The following C4orf51 variants were observed in gnomAD, a reference collection of about 807,000 sequenced individuals.
C4orf51 encodes the protein uncharacterized protein C4orf51.
A neutral mutation model predicts 25.2 loss-of-function variants in C4orf51; 25 were observed. That is an observed-to-expected ratio of 0.99 (90% CI 0.72 to 1.39). The LOEUF is 1.39. Ranked by LOEUF, C4orf51 falls within the 40% of genes most tolerant of loss-of-function variation. The pLI is 0.00. For missense variants in C4orf51, 252 were observed against 239.6 expected (o/e 1.05, Z -0.34); for synonymous variants, 100 against 84.5 (o/e 1.18, Z -1.01).
intron 2 of C4orf51, among the ~76,000 whole-genome samples, chr4:145,707,475 T>C (rs1281877049): frequency 2.0e-4 from 31 of 152,212 alleles, no homozygotes; most frequent in Non-Finnish European, 4.4e-5. Flanking sequence ...CTTGTCCAAA[T>C]AAGTGTGGGC....
intron 2 of C4orf51, among the ~76,000 whole-genome samples, chr4:145,710,092 C>A (rs1406477778): frequency 1.3e-5 from 2 of 152,136 alleles, no homozygotes; most frequent in Admixed American, 1.3e-4. Flanking sequence ...AGTCACAGCA[C>A]CAAAGTATGT....
At chr4:145,768,469 G>A (rs1735658713) in intron 1 of C4orf51, among the ~76,000 whole-genome samples, 1 of 151,888 alleles carries the variant, frequency 6.6e-6, no homozygotes, top group African/African-American at 2.4e-5. Flanking sequence ...CTGGCCTAAA[G>A]ATGTACATTA....
At chr4:145,720,012 T>A (rs371095153) in intron 2 of C4orf51, among the ~76,000 whole-genome samples, 1 of 152,100 alleles carries the variant, frequency 6.6e-6, no homozygotes, top group East Asian at 1.9e-4. Flanking sequence ...TTTGTTTTGA[T>A]CATGCCTCAG....
chr4:145,683,787 A>G (rs1301983507), intron 1 of C4orf51, among the ~76,000 whole-genome samples: 1 of 152,240 alleles, frequency 6.6e-6, no homozygotes, highest in Non-Finnish European at 1.5e-5. Context: ...CAAAACTATA[A>G]AACTCCTAGA....
intron 1 of C4orf51, among the ~76,000 whole-genome samples, chr4:145,739,310 A>G (rs941688189): frequency 1.3e-5 from 2 of 152,244 alleles, no homozygotes; most frequent in African/African-American, 4.8e-5. Flanking sequence ...TAGGACTCTT[A>G]GCTTGAGATC....
At chr4:145,700,311 A>G (rs1392374513) in intron 2 of C4orf51, among the ~76,000 whole-genome samples, 2 of 151,562 alleles carry the variant, frequency 1.3e-5, no homozygotes, top group African/African-American at 4.9e-5. Context: ...TCTGGAGGGT[A>G]AGAACCCCCA....
At chr4:145,775,800 A>C (rs1245865897), downstream of C4orf51, 3 of 1,614,054 alleles carry the variant, frequency 1.9e-6, no homozygotes, top group African/African-American at 4.0e-5. Flanking sequence ...TGTAATAATA[A>C]GGATGTTTCT....
At chr4:145,710,376 G>T (rs1243792343) in intron 2 of C4orf51, among the ~76,000 whole-genome samples, 1 of 152,132 alleles carries the variant, frequency 6.6e-6, no homozygotes, top group Non-Finnish European at 1.5e-5. Flanking sequence ...TTGACTTGGG[G>T]TTTTATATGT....
chr4:145,714,589 C>A (rs968640186), intron 2 of C4orf51, among the ~76,000 whole-genome samples: 7 of 152,126 alleles, frequency 4.6e-5, no homozygotes, highest in African/African-American at 1.7e-4. Flanking sequence ...GTGTTCTCTT[C>A]GTGGCTCACT....
intron 2 of C4orf51, among the ~76,000 whole-genome samples, chr4:145,701,457 C>G (rs960535557): frequency 1.3e-5 from 2 of 152,032 alleles, no homozygotes; most frequent in African/African-American, 4.8e-5. Context: ...TGCGGGGACC[C>G]CACTGGAAAT....
intron 2 of C4orf51, among the ~76,000 whole-genome samples, chr4:145,702,759 C>A (rs1324447986): frequency 6.6e-6 from 1 of 152,118 alleles, no homozygotes; most frequent in African/African-American, 2.4e-5. Flanking sequence ...ACCTGTTTTT[C>A]TCCTCTTATT....
Position 145,765,855 on chromosome 4 carries a change from C to T in C4orf51, n.167-5133C>T. 4.8e-6 allele frequency: 5 copies of T among 1,047,206 alleles called. No homozygotes were observed. The highest frequency in any genetic ancestry group is 6.8e-6 in the Non-Finnish European group (5 of 738,730). The allele number at this position is 1,047,206 out of a possible 1,614,324, so 64.9% of individuals were successfully genotyped here. ...CATCATCATTCTGGGGGCACAGGCT[C>T]ATGTCCCCAGCTCCCCCACTGCTGG... On this transcript the variant is annotated intron_variant and non_coding_transcript_variant, in intron 1 of 1. Coordinates refer to the C4orf51 transcript ENST00000510096. This position sits in a 1 kb window ranked among gnomAD's most constrained non-coding sequence, Gnocchi z 4.7.
Position 145,761,360 on chromosome 4 carries a change from G to A in C4orf51, n.167-9628G>A. On this transcript the variant is annotated intron_variant and non_coding_transcript_variant, in intron 1 of 1. Transcript: ENST00000510096. This position sits in a 1 kb window ranked among gnomAD's most constrained non-coding sequence, Gnocchi z 6.8. ...CTGCACTGGTCACAGTGGAAGGGCC[G>A]CTCCCCGGTGTGGACGCGCACGTGC... The A allele has an allele frequency of 3.1e-6, 4 of 1,289,944 alleles. No individual in the cohort carries two copies. The highest frequency in any genetic ancestry group is 1.2e-5 in the South Asian group (1 of 81,042). 79.9% of individuals were successfully genotyped at this position (1,289,944 alleles called of 1,614,324 possible).
downstream of C4orf51, among the ~76,000 whole-genome samples, chr4:145,734,176 C>T (rs1163634237): frequency 6.6e-6 from 1 of 152,176 alleles, no homozygotes; most frequent in African/African-American, 2.4e-5. Context: ...ATTCCTTAAC[C>T]CCCAAAAGGC....
Position 145,762,203 on chromosome 4 carries a change from A to G in C4orf51, n.167-8785A>G, listed in dbSNP as rs1216776965. On this transcript the variant is annotated intron_variant and non_coding_transcript_variant, in intron 1 of 1. Coordinates refer to the C4orf51 transcript ENST00000510096. The surrounding 1 kb of genome is among the most constrained non-coding windows in gnomAD (Gnocchi z 4.9). ...TCTCTGTGTGAGTGTGTGCATGTGT[A>G]CATATCTATGTACTCGTAAAACATA... Among the ~76,000 whole-genome samples, 2 of 152,124 alleles carry G rather than the reference A, an allele frequency of 1.3e-5. No homozygotes were observed. Among genetic ancestry groups the G allele is most frequent in the Non-Finnish European group, 2.9e-5 (2 of 68,014 alleles).
At chr4:145,720,846 C>G (rs1429440895) in intron 2 of C4orf51, among the ~76,000 whole-genome samples, 1 of 152,140 alleles carries the variant, frequency 6.6e-6, no homozygotes, top group East Asian at 1.9e-4. Context: ...TGCTCTCACC[C>G]TCCTTCCCCA....
the C4orf51 span, among the ~76,000 whole-genome samples, chr4:145,784,853 C>CT: frequency 6.6e-6 from 1 of 152,052 alleles, no homozygotes; most frequent in Non-Finnish European, 1.5e-5. Context: ...ATGGTAACCT[C>CT]TTTTTTTGTA....
At chr4:145,742,715 T>G (rs574627112) in intron 1 of C4orf51, among the ~76,000 whole-genome samples, 4 of 151,928 alleles carry the variant, frequency 2.6e-5, no homozygotes, top group Admixed American at 2.6e-4. Flanking sequence ...AATTTTTTTG[T>G]ATTTTTAGTA....
chr4:145,767,540 C>T (rs937451643), intron 1 of C4orf51, among the ~76,000 whole-genome samples: 4 of 151,938 alleles, frequency 2.6e-5, no homozygotes, highest in African/African-American at 7.3e-5. Flanking sequence ...ATAAGAAACA[C>T]GAAGAAACCT....
Sources: gnomAD v4.1 joint callset for allele counts (sites outside exome capture counted in the v4.1 genomes callset) on GRCh38, gnomAD v4.1.1 for gene constraint, Gnocchi (gnomAD v3.1) non-coding constraint, MANE v1.5 for transcripts, NCBI Gene and HGNC (gene_info 2026-07-23, HGNC 2026-07-21) for gene names.